HCN4: variants seen among roughly 807,000 people sequenced by gnomAD.
HCN4 encodes potassium/sodium hyperpolarization-activated cyclic nucleotide-gated channel 4.
In HCN4, 29 loss-of-function variants were observed where a neutral mutation model predicts 76.9. The observed-to-expected ratio is 0.38, with a 90% confidence interval of 0.28 to 0.51. The LOEUF (loss-of-function observed/expected upper bound fraction) is 0.51, where lower values mean the gene tolerates loss of function less well. HCN4 is among the 20% of genes least tolerant of loss of function. The pLI, the probability that HCN4 is intolerant of heterozygous loss-of-function variation, is 0.90. For synonymous variants in HCN4, 772 were observed against 762.5 expected (o/e 1.01, Z -0.21); for missense variants, 1,416 against 1,715.2 (o/e 0.83, Z 3.08).
chr15:73,356,360 CTTTCT>C (rs1173393496), intron 1 of HCN4, among the ~76,000 whole-genome samples: 13 of 142,530 alleles, frequency 9.1e-5, no homozygotes, highest in South Asian at 2.3e-4. Context: ...GCTAATTTTT[CTTTCT>C]TTTCTTTTCT....
Position 73,320,782 on chromosome 15 carries a change from C to T in HCN4, c.*1699G>A, listed in dbSNP as rs747862938. The T allele has an allele frequency of 1.3e-5, 2 of 152,338 alleles. No homozygotes were observed. Among genetic ancestry groups the T allele is most frequent in the Non-Finnish European group, 2.9e-5 (2 of 68,132 alleles). 9.4% of individuals were successfully genotyped at this position (152,338 alleles called of 1,614,324 possible). Reference sequence around the variant, plus strand: ...ACATCCACCTCAGGAATCTCCCCACCATACACTCCATCCCACCCACCATTC... The same window carrying T: ...ACATCCACCTCAGGAATCTCCCCACTATACACTCCATCCCACCCACCATTC... On this transcript the variant is annotated 3_prime_UTR_variant, in exon 8 of 8. Coordinates refer to ENST00000261917, the MANE Select transcript of HCN4 (RefSeq NM_005477.3).
At chr15:73,359,481 G>T (rs1190656469) in intron 1 of HCN4, among the ~76,000 whole-genome samples, 1 of 152,146 alleles carries the variant, frequency 6.6e-6, no homozygotes, top group East Asian at 1.9e-4. Flanking sequence ...AGAGGTGTAG[G>T]AGCTCAGGGA....
At chr15:73,332,032 A>G in intron 3 of HCN4, 99 bp downstream of exon 3, 3 of 1,202,032 alleles carry the variant, frequency 2.5e-6, no homozygotes, top group Non-Finnish European at 3.7e-6. Context: ...TCAGGGTCCT[A>G]CATGCTGGAA....
At chr15:73,362,383 A>G (rs2043108707) in intron 1 of HCN4, among the ~76,000 whole-genome samples, 1 of 152,242 alleles carries the variant, frequency 6.6e-6, no homozygotes. Context: ...TACTCCAAGC[A>G]TGGTCCTGGT....
At position 73,368,263 on chromosome 15, in the gene HCN4, T is replaced by G. The variant is rs1267513363; in HGVS notation, c.8A>C (p.Lys3Thr). Residue 3 changes from lysine (K) to threonine (T), a missense_variant, in exon 1 of 8, where the codon AAG (lysine) becomes ACG (threonine). Lys to Thr is a moderately conservative substitution (Grantham distance 78). Transcript: ENST00000261917. The surrounding 1 kb of genome is among the most constrained non-coding windows in gnomAD (Gnocchi z 6.9). MD[K>T]LPPSMRKRLY... ...CCGCTTGCGCATGGACGGCGGCAGCTTGTCCATGGCGCCAGGGGCCGGGGT... is the reference window on the plus strand; with the variant it reads ...CCGCTTGCGCATGGACGGCGGCAGCGTGTCCATGGCGCCAGGGGCCGGGGT... The G allele has an allele frequency of 4.0e-6, 6 of 1,491,890 alleles. No individual in the cohort carries two copies. The highest frequency in any genetic ancestry group is 1.5e-5 in the African/African-American group (1 of 68,502). 92.4% of individuals were successfully genotyped at this position (1,491,890 alleles called of 1,614,324 possible).
chr15:73,364,603 A>G (rs2043120390), intron 1 of HCN4, among the ~76,000 whole-genome samples: 2 of 152,048 alleles, frequency 1.3e-5, no homozygotes, highest in South Asian at 4.1e-4. Flanking sequence ...CACCACAAAT[A>G]CAAGTTTCAA....
At chr15:73,332,430 G>A in intron 2 of HCN4, 138 bp from the exon 3 acceptor site, 6 of 840,602 alleles carry the variant, frequency 7.1e-6, no homozygotes, top group Admixed American at 4.0e-5. Flanking sequence ...GCAAATCCAG[G>A]CTGGGGGTGG....
At position 73,343,650 on chromosome 15, in the gene HCN4, C is replaced by G; in HGVS notation, c.944G>C (p.Arg315Pro). The G allele has an allele frequency of 6.2e-7, 1 of 1,614,106 alleles. No individual in the cohort carries two copies. The highest frequency in any genetic ancestry group is 8.5e-7 in the Non-Finnish European group (1 of 1,180,028). Reference protein sequence around the residue: ...FFLIDLVLNFRTGIVVEDNTE... With the variant: ...FFLIDLVLNFPTGIVVEDNTE... Reference sequence around the variant, plus strand: ...GTTGTCCTCCACCACGATCCCTGTGCGGAAGTTGAGGACCAAGTCGATGAG... The same window carrying G: ...GTTGTCCTCCACCACGATCCCTGTGGGGAAGTTGAGGACCAAGTCGATGAG... Residue 315 changes from arginine to proline, a missense_variant, in exon 2 of 8, where the codon CGC (arginine) becomes CCC (proline). Physicochemically the swap from Arg to Pro is moderately radical, Grantham distance 103. Coordinates refer to ENST00000261917, the MANE Select transcript of HCN4 (RefSeq NM_005477.3). This position sits in a 1 kb window ranked among gnomAD's most constrained non-coding sequence, Gnocchi z 5.7.
intron 3 of HCN4, among the ~76,000 whole-genome samples, chr15:73,331,577 C>A (rs148748992): frequency 1.2e-3 from 181 of 152,268 alleles, no homozygotes; most frequent in Non-Finnish European, 2.1e-3. Flanking sequence ...GACACATGTG[C>A]TTGCCACCAC....
intron 3 of HCN4, among the ~76,000 whole-genome samples, chr15:73,331,455 G>C (rs2042931886): frequency 1.3e-5 from 2 of 152,102 alleles, no homozygotes; most frequent in Non-Finnish European, 2.9e-5. Flanking sequence ...GTTTTCTTGG[G>C]CTCAGCTTTT....
At chr15:73,331,819 C>T (rs1025080881) in intron 3 of HCN4, among the ~76,000 whole-genome samples, 1 of 152,188 alleles carries the variant, frequency 6.6e-6, no homozygotes, top group South Asian at 2.1e-4. Context: ...CCAGCATTGC[C>T]ATGCCTGGGG....
At position 73,368,175 on chromosome 15, in the gene HCN4, G is replaced by C; in HGVS notation, c.96C>G (p.Ala32=). 1 of 1,530,426 alleles carries C rather than the reference G, an allele frequency of 6.5e-7. No homozygotes were observed. The highest frequency in any genetic ancestry group is 8.8e-7 in the Non-Finnish European group (1 of 1,140,426). The allele number at this position is 1,530,426 out of a possible 1,614,324, so 94.8% of individuals were successfully genotyped here. ...KAWIMDEEED[A]EEEGAGGRQD... is the part of the protein sequence containing the mutation. ...GGCGGCCCCCGGCCCCCTCCTCCTC[G>C]GCGTCCTCTTCCTCGTCCATGATCC... is the stretch of plus-strand genomic sequence containing the variant. Residue 32 remains alanine, a synonymous_variant, in exon 1 of 8, where the codon GCC becomes GCG. Transcript: ENST00000261917. The surrounding 1 kb of genome is among the most constrained non-coding windows in gnomAD (Gnocchi z 6.9).
At chr15:73,366,929 G>A (rs543343058) in intron 1 of HCN4, among the ~76,000 whole-genome samples, 58 of 152,356 alleles carry the variant, frequency 3.8e-4, no homozygotes, top group African/African-American at 1.4e-3. Context: ...GCTGAGCTCA[G>A]GGTTACGGTG....
At chr15:73,336,443 T>A (rs2042965966) in intron 2 of HCN4, among the ~76,000 whole-genome samples, 1 of 152,134 alleles carries the variant, frequency 6.6e-6, no homozygotes, top group Non-Finnish European at 1.5e-5. Flanking sequence ...AGCCCTGGGA[T>A]ACCCCCAGTT....
In HCN4 at chr15:73,367,692, G is replaced by T. The variant is rs771526379; in HGVS notation, c.579C>A (p.Gly193=). ...GGAGGATCTGGTCGCCGGCAGCCGC[G>T]CCTCCCTCCACTTTGATAGCGGTGT... is the stretch of plus-strand genomic sequence containing the variant. ...SVDTAIKVEG[G]AAAGDQILPE... The change falls in exon 1 of 8, where the codon GGC becomes GGA. Residue 193 remains glycine (G), a synonymous_variant. Coordinates refer to ENST00000261917, the MANE Select transcript of HCN4 (RefSeq NM_005477.3). This position sits in a 1 kb window ranked among gnomAD's most constrained non-coding sequence, Gnocchi z 7.5. 4 of 1,601,440 alleles carry T rather than the reference G, an allele frequency of 2.5e-6. No individual in the cohort carries two copies. Among genetic ancestry groups the T allele is most frequent in the Non-Finnish European group, 3.4e-6 (4 of 1,179,530 alleles).
At chr15:73,351,386 A>G (rs2043054515) in intron 1 of HCN4, among the ~76,000 whole-genome samples, 1 of 152,178 alleles carries the variant, frequency 6.6e-6, no homozygotes, top group Non-Finnish European at 1.5e-5. Context: ...TGCTGACTAC[A>G]TGTCTACAAC....
chr15:73,368,116 G>A lies in HCN4; in HGVS notation c.155C>T (p.Pro52Leu), dbSNP rs1297165703. Reference sequence around the variant, plus strand: ...CGCCGAGGGGGAGGGCGAGGGCAGTGGCCGCAGCCGGATGCTCCTGCGGCT... The same window carrying A: ...CGCCGAGGGGGAGGGCGAGGGCAGTAGCCGCAGCCGGATGCTCCTGCGGCT... ...DPSRRSIRLR[P>L]LPSPSPSAAA... Residue 52 changes from proline to leucine, a missense_variant, in exon 1 of 8, where the codon CCA (proline) becomes CTA (leucine). Around this residue, in one of 6 missense-constraint regions of HCN4, gnomAD observed 355 missense variants for 347.8 expected, o/e 1.02. Transcript: ENST00000261917. The surrounding 1 kb of genome is among the most constrained non-coding windows in gnomAD (Gnocchi z 6.9). The A allele has an allele frequency of 4.0e-6, 6 of 1,507,548 alleles. No homozygotes were observed. In the East Asian group the frequency reaches 1.6e-4, roughly 41 times the overall value. The allele number at this position is 1,507,548 out of a possible 1,614,324, so 93.4% of individuals were successfully genotyped here.
At chr15:73,333,558 T>A (rs1206539589) in intron 2 of HCN4, among the ~76,000 whole-genome samples, 1 of 152,156 alleles carries the variant, frequency 6.6e-6, no homozygotes, top group Non-Finnish European at 1.5e-5. Context: ...AGATGAGTAC[T>A]TTTTGTCCAC....
chr15:73,368,344 C>G lies in HCN4; in HGVS notation c.-74G>C. The G allele has an allele frequency of 9.1e-7, 1 of 1,102,058 alleles. No homozygotes were observed. Among genetic ancestry groups the G allele is most frequent in the Non-Finnish European group, 1.2e-6 (1 of 842,976 alleles). 68.3% of individuals were successfully genotyped at this position (1,102,058 alleles called of 1,614,324 possible). A position where few individuals can be genotyped will look rare whatever the true frequency, so the allele number is the denominator to read the frequency against. ...CGCGGACGGGCTCCAGGTCCGCCCG[C>G]CGGTCAGTCCGCCCGTGGGGACGCG... is the stretch of plus-strand genomic sequence containing the variant. On this transcript the variant is annotated 5_prime_UTR_variant, in exon 1 of 8. Transcript: ENST00000261917. This position sits in a 1 kb window ranked among gnomAD's most constrained non-coding sequence, Gnocchi z 6.9.
Sources: allele counts gnomAD v4.1 joint callset (sites outside exome capture counted in the v4.1 genomes callset), GRCh38; gene constraint gnomAD v4.1.1; regional missense constraint gnomAD v4.1.1; non-coding constraint Gnocchi (gnomAD v3.1); transcripts MANE v1.5; gene names NCBI Gene and HGNC (gene_info 2026-07-23, HGNC 2026-07-21).